ASCC3: variants seen among roughly 807,000 people sequenced by gnomAD.
ASCC3 encodes ASC-1 complex subunit P200.
ASCC3 carries 158 observed loss-of-function variants against 256.3 expected under a neutral mutation model. The ratio of observed to expected loss-of-function variants is 0.62; its 90% confidence interval spans 0.54 to 0.70. The LOEUF is 0.70. Ranked by LOEUF, ASCC3 falls within the 30% of genes least tolerant of loss-of-function variation. ASCC3 has a pLI of 0.00. For missense variants in ASCC3, 2,259 were observed against 2,626.0 expected (o/e 0.86, Z 3.05); for synonymous variants, 948 against 883.4 (o/e 1.07, Z -1.30).
chr6:100,523,163 A>G (rs928675130), intron 37 of ASCC3, among the ~76,000 whole-genome samples: 11 of 151,732 alleles, frequency 7.2e-5, no homozygotes, highest in Admixed American at 7.2e-4. Flanking sequence ...GAGAGTTTAG[A>G]GTACTGTGCC....
At chr6:100,726,842 C>G (rs1779652606) in intron 10 of ASCC3, among the ~76,000 whole-genome samples, 1 of 151,972 alleles carries the variant, frequency 6.6e-6, no homozygotes. Flanking sequence ...CTTTTACTGT[C>G]AACTTAAATT....
At chr6:100,593,501 C>T (rs1171016174) in intron 34 of ASCC3, among the ~76,000 whole-genome samples, 1 of 152,018 alleles carries the variant, frequency 6.6e-6, no homozygotes, top group East Asian at 1.9e-4. Flanking sequence ...TGAAATTTCA[C>T]CAGTTGAGAA....
chr6:100,792,262 T>C (rs540839614), intron 8 of ASCC3, among the ~76,000 whole-genome samples: 11 of 152,012 alleles, frequency 7.2e-5, no homozygotes, highest in South Asian at 6.2e-4. Context: ...ACAGTGCTAA[T>C]TGGGTATATT....
At chr6:100,744,984 T>C (rs1352616665) in intron 10 of ASCC3, among the ~76,000 whole-genome samples, 6 of 152,084 alleles carry the variant, frequency 3.9e-5, no homozygotes, top group African/African-American at 7.2e-5. Context: ...TTAGTAACAA[T>C]TGGCTTTTTT....
chr6:100,712,345 A>G (rs566009254), intron 13 of ASCC3, among the ~76,000 whole-genome samples: 2 of 152,294 alleles, frequency 1.3e-5, no homozygotes, highest in African/African-American at 4.8e-5. Flanking sequence ...AACAGACTGG[A>G]AGAAAATATT....
At chr6:100,764,627 C>T (rs1781564831) in intron 10 of ASCC3, among the ~76,000 whole-genome samples, 1 of 152,102 alleles carries the variant, frequency 6.6e-6, no homozygotes, top group African/African-American at 2.4e-5. Flanking sequence ...TAAAATTATT[C>T]AGGTCACAAA....
chr6:100,707,300 C>T (rs902242390), intron 13 of ASCC3, among the ~76,000 whole-genome samples: 1 of 151,954 alleles, frequency 6.6e-6, no homozygotes, highest in Admixed American at 6.6e-5. Flanking sequence ...CATTTATTTA[C>T]ATTTTAATGC....
intron 36 of ASCC3, among the ~76,000 whole-genome samples, chr6:100,559,754 G>A (rs542387363): frequency 2.3e-4 from 35 of 151,540 alleles, no homozygotes; most frequent in African/African-American, 8.5e-4. Context: ...GCTGAGGCAG[G>A]AGAATTGCTT....
chr6:100,871,878 C>T (rs1773758590), intron 1 of ASCC3, among the ~76,000 whole-genome samples: 1 of 152,130 alleles, frequency 6.6e-6, no homozygotes, highest in Non-Finnish European at 1.5e-5. Context: ...GAATTGTACA[C>T]AGTACACAGT....
At chr6:100,525,421 T>A (rs1774532848) in intron 37 of ASCC3, among the ~76,000 whole-genome samples, 1 of 151,482 alleles carries the variant, frequency 6.6e-6, no homozygotes, top group African/African-American at 2.4e-5. Flanking sequence ...AACAGGAAAG[T>A]TTGAGAAACT....
chr6:100,644,763 A>T (rs900238617), intron 22 of ASCC3, among the ~76,000 whole-genome samples: 1 of 152,172 alleles, frequency 6.6e-6, no homozygotes, highest in African/African-American at 2.4e-5. Flanking sequence ...GTGGTAAGGC[A>T]GAGGCACATG....
chr6:100,605,722 G>C (rs200831483), intron 32 of ASCC3, 22 bp from the exon 33 acceptor site: 17 of 1,612,536 alleles, frequency 1.1e-5, no homozygotes, highest in Non-Finnish European at 1.4e-5. Flanking sequence ...AGAACAAAGA[G>C]ATATTCTACA....
intron 8 of ASCC3, among the ~76,000 whole-genome samples, chr6:100,785,279 T>C (rs537021672): frequency 5.3e-5 from 8 of 152,196 alleles, no homozygotes; most frequent in African/African-American, 7.2e-5. Flanking sequence ...CTGAGCCAAA[T>C]TGTATTACAT....
chr6:100,594,484 G>A (rs1582519899), intron 34 of ASCC3, among the ~76,000 whole-genome samples: 1 of 152,102 alleles, frequency 6.6e-6, no homozygotes, highest in African/African-American at 2.4e-5. Flanking sequence ...TCCAGCTTTT[G>A]GGAAAAGTGA....
At chr6:100,879,381 G>C (rs1769167194) in intron 1 of ASCC3, among the ~76,000 whole-genome samples, 1 of 152,170 alleles carries the variant, frequency 6.6e-6, no homozygotes, top group Admixed American at 6.5e-5. Context: ...TAAGCAGTTA[G>C]GGGGTGGGGA....
chr6:100,730,874 G>A (rs965936203), intron 10 of ASCC3, among the ~76,000 whole-genome samples: 14 of 152,018 alleles, frequency 9.2e-5, no homozygotes, highest in African/African-American at 2.7e-4. Flanking sequence ...ACGAATGCAC[G>A]CTCACACACA....
intron 25 of ASCC3, among the ~76,000 whole-genome samples, chr6:100,637,980 C>G (rs2114882096): frequency 6.6e-6 from 1 of 152,282 alleles, no homozygotes; most frequent in South Asian, 2.1e-4. Flanking sequence ...GTTCAGAAAG[C>G]AGTGGCAGGG....
In ASCC3 at chr6:100,537,588, A is replaced by G. The variant is rs1032725678; in HGVS notation, c.5775+2575T>C. Reference sequence around the variant, plus strand: ...GAGGCTGGGTAAAATGTACAAGAAAATTTCATTGTAGTATTTTACAAACTT... The same window carrying G: ...GAGGCTGGGTAAAATGTACAAGAAAGTTTCATTGTAGTATTTTACAAACTT... On this transcript the variant is annotated intron_variant, in intron 37 of 41. Transcript: ENST00000369162. 2.0e-5 allele frequency among the ~76,000 whole-genome samples: 3 copies of G among 152,122 alleles called. No homozygotes were observed. In the East Asian group the frequency reaches 5.8e-4, roughly 29 times the overall value.
chr6:100,748,325 T>TAA (rs371645955), intron 10 of ASCC3, among the ~76,000 whole-genome samples: 1 of 149,026 alleles, frequency 6.7e-6, no homozygotes, highest in African/African-American at 2.5e-5. Flanking sequence ...GGGGAGAAAT[T>TAA]AAAAAAAAAA....
Sources: allele counts gnomAD v4.1 joint callset (sites outside exome capture counted in the v4.1 genomes callset), GRCh38; gene constraint gnomAD v4.1.1; transcripts MANE v1.5; gene names NCBI Gene and HGNC (gene_info 2026-07-23, HGNC 2026-07-21).